MAP3K14: variants seen among roughly 807,000 people sequenced by gnomAD.
The protein encoded by MAP3K14 is mitogen-activated protein kinase kinase kinase 14, also known as NF-kappa-beta-inducing kinase.
Under a neutral mutation model 99.2 loss-of-function variants are expected in MAP3K14, and 16 were observed. The ratio of observed to expected loss-of-function variants is 0.16; its 90% confidence interval spans 0.11 to 0.24. The LOEUF is 0.24. MAP3K14 is among the 10% of genes least tolerant of loss of function. The pLI, the probability that MAP3K14 is intolerant of heterozygous loss-of-function variation, is 1.00. For missense variants in MAP3K14, 784 were observed against 1,208.7 expected, an observed-to-expected ratio of 0.65 and a Z score of 5.21; for synonymous variants, 462 against 492.4, an observed-to-expected ratio of 0.94 and a Z score of 0.82.
At chr17:45,283,099 A>G (rs2044236214) in intron 6 of MAP3K14, among the ~76,000 whole-genome samples, 1 of 152,160 alleles carries the variant, frequency 6.6e-6, no homozygotes, top group Non-Finnish European at 1.5e-5. Flanking sequence ...CTTCCACTAT[A>G]TTAGGGTTGT....
intron 1 of MAP3K14, among the ~76,000 whole-genome samples, chr17:45,294,804 C>T (rs1049914149): frequency 1.1e-4 from 16 of 152,174 alleles, no homozygotes; most frequent in African/African-American, 3.4e-4. Context: ...GTACTCAAGG[C>T]GACACTGTCC....
Position 45,272,642 on chromosome 17 carries a change from A to C in MAP3K14, c.1657+861T>G, listed in dbSNP as rs1216208789. Among the ~76,000 whole-genome samples, 1 of 152,206 alleles carries C rather than the reference A, an allele frequency of 6.6e-6. No homozygotes were observed. The highest frequency in any genetic ancestry group is 1.5e-5 in the Non-Finnish European group (1 of 68,044). ...AACAACAGCCTGGAAGGAGTTATTT[A>C]AAATATTCATGATTCGGCCGGGCAC... On this transcript the variant is annotated intron_variant, in intron 9 of 15. Coordinates refer to ENST00000344686, the MANE Select transcript of MAP3K14 (RefSeq NM_003954.5). This position sits in a 1 kb window ranked among gnomAD's most constrained non-coding sequence, Gnocchi z 4.1.
intron 6 of MAP3K14, among the ~76,000 whole-genome samples, chr17:45,280,218 C>A (rs2044211311): frequency 6.6e-6 from 1 of 151,808 alleles, no homozygotes; most frequent in African/African-American, 2.4e-5. Flanking sequence ...TTTTGGGCTA[C>A]AGACCCCTAT....
At chr17:45,298,077 A>G (rs899128282) in intron 1 of MAP3K14, among the ~76,000 whole-genome samples, 4 of 152,214 alleles carry the variant, frequency 2.6e-5, no homozygotes, top group African/African-American at 9.6e-5. Context: ...AGATGGGTGA[A>G]ATGGGTTGTT....
rs765832972 is a variant in MAP3K14, at chr17:45,284,896, G to A, written c.1206C>T (p.His402=). The stretch of plus-strand genomic sequence containing the variant: ...AGGAGCCTCTGCCCAGGCGGAGCTG[G>A]TGCGTGGCCCAGTGGACTTCTTCTC... ...EYREEVHWAT[H]QLRLGRGSFG... Residue 402 remains histidine, a synonymous_variant, in exon 6 of 16, where the codon CAC becomes CAT. Coordinates refer to ENST00000344686, the MANE Select transcript of MAP3K14 (RefSeq NM_003954.5). 54 of 1,560,790 alleles carry A rather than the reference G, an allele frequency of 3.5e-5. No homozygotes were observed. Among genetic ancestry groups the A allele is most frequent in the Non-Finnish European group, 4.3e-5 (50 of 1,152,362 alleles).
chr17:45,302,403 G>A (rs1733878279), intron 1 of MAP3K14, among the ~76,000 whole-genome samples: 1 of 152,126 alleles, frequency 6.6e-6, no homozygotes, highest in African/African-American at 2.4e-5. Flanking sequence ...CGCCTCTTGG[G>A]TTCAAGAAAT....
intron 15 of MAP3K14, 141 bp downstream of exon 15, chr17:45,265,022 G>A (rs1598236411): frequency 1.2e-6 from 1 of 823,140 alleles, no homozygotes; most frequent in Non-Finnish European, 2.0e-6. Flanking sequence ...ATGCTTTGAG[G>A]TCCTGGGGGA....
intron 3 of MAP3K14, among the ~76,000 whole-genome samples, chr17:45,288,059 A>G (rs1179726643): frequency 6.6e-6 from 1 of 152,176 alleles, no homozygotes; most frequent in Non-Finnish European, 1.5e-5. Flanking sequence ...ACAGCTGTGG[A>G]GCAGATCATG....
chr17:45,294,663 T>C (rs2044334769), intron 1 of MAP3K14, among the ~76,000 whole-genome samples: 1 of 152,174 alleles, frequency 6.6e-6, no homozygotes, highest in African/African-American at 2.4e-5. Context: ...CCAGATAAGT[T>C]CTTTAAATGC....
At chr17:45,312,977 G>A (rs74996617) in intron 1 of MAP3K14, among the ~76,000 whole-genome samples, 10,007 of 152,178 alleles carry the variant, frequency 0.066, 572 homozygotes, top group East Asian at 0.15. Flanking sequence ...ACTTGATCAC[G>A]TGTGGGACAC....
intron 6 of MAP3K14, among the ~76,000 whole-genome samples, chr17:45,275,515 A>C (rs1029225139): frequency 2.6e-5 from 4 of 151,612 alleles, no homozygotes; most frequent in Non-Finnish European, 5.9e-5. Flanking sequence ...CCCACAAAAA[A>C]ACAAACAAAA....
chr17:45,302,987 C>T (rs2044401860), intron 1 of MAP3K14, among the ~76,000 whole-genome samples: 2 of 152,252 alleles, frequency 1.3e-5, no homozygotes, highest in Non-Finnish European at 2.9e-5. Context: ...TCAGAAGATG[C>T]GGACTGTTTC....
chr17:45,277,770 C>T (rs2044191274), intron 6 of MAP3K14, among the ~76,000 whole-genome samples: 1 of 152,196 alleles, frequency 6.6e-6, no homozygotes, highest in East Asian at 1.9e-4. Context: ...TCGCTCGAGA[C>T]AGTTCAGCTT....
intron 1 of MAP3K14, 87 bp from the exon 2 acceptor site, chr17:45,290,852 G>GAGACCCTTTGCCCCT: frequency 7.6e-7 from 1 of 1,323,786 alleles, no homozygotes; most frequent in Non-Finnish European, 1.0e-6. Context: ...GAGAAAGGCA[G>GAGACCCTTTGCCCCT]GGGCAAAGGG....
chr17:45,296,277 C>T (rs1195633084), intron 1 of MAP3K14, among the ~76,000 whole-genome samples: 2 of 152,164 alleles, frequency 1.3e-5, no homozygotes, highest in African/African-American at 2.4e-5. Flanking sequence ...GTAATCTCAG[C>T]ACTTTGGGAG....
In MAP3K14 at chr17:45,264,639, G is replaced by A. The variant is rs1477033164; in HGVS notation, c.2841C>T (p.Pro947=). The A allele has an allele frequency of 6.3e-7, 1 of 1,576,348 alleles. No individual in the cohort carries two copies. Among genetic ancestry groups the A allele is most frequent in the Non-Finnish European group, 8.6e-7 (1 of 1,161,788 alleles). Residue 947 remains proline, a synonymous_variant, in exon 16 of 16, where the codon CCC becomes CCT. Transcript: ENST00000344686. The part of the protein sequence containing the change: ...RVKHGQLENR[P] Reference sequence around the variant, plus strand: ...GAGCCGGCGGTGGAGGGCAGGGTTAGGGCCTGTTCTCCAGCTGGCCATGCT... The same window carrying A: ...GAGCCGGCGGTGGAGGGCAGGGTTAAGGCCTGTTCTCCAGCTGGCCATGCT...
intron 1 of MAP3K14, among the ~76,000 whole-genome samples, chr17:45,291,179 T>C (rs1351454517): frequency 6.6e-6 from 1 of 152,172 alleles, no homozygotes; most frequent in Non-Finnish European, 1.5e-5. Context: ...AACCATGGCC[T>C]CACTGACCCC....
Position 45,264,742 on chromosome 17 carries a change from A to T in MAP3K14, c.2738T>A (p.Met913Lys). 1 of 1,613,224 alleles carries T rather than the reference A, an allele frequency of 6.2e-7. No homozygotes were observed. Among genetic ancestry groups the T allele is most frequent in the Non-Finnish European group, 8.5e-7 (1 of 1,179,644 alleles). ...GTCGATGCCCGAGTCTGGCACCTCC[A>T]TGTCGTAGCGAACAGGCTGCCCGTC... The part of the protein sequence containing the change: ...TKDGQPVRYD[M>K]EVPDSGIDLQ... Residue 913 changes from methionine (M) to lysine (K), a missense_variant, in exon 16 of 16, where the codon ATG (methionine) becomes AAG (lysine). Transcript: ENST00000344686.
intron 1 of MAP3K14, among the ~76,000 whole-genome samples, chr17:45,298,089 A>G (rs945565681): frequency 6.6e-6 from 1 of 152,244 alleles, no homozygotes; most frequent in South Asian, 2.1e-4. Context: ...TGGGTTGTTC[A>G]ATGGGTAAAA....
Sources: gnomAD v4.1 joint callset for allele counts (sites outside exome capture counted in the v4.1 genomes callset) on GRCh38, gnomAD v4.1.1 for gene constraint, Gnocchi (gnomAD v3.1) non-coding constraint, MANE v1.5 for transcripts, NCBI Gene and HGNC (gene_info 2026-07-23, HGNC 2026-07-21) for gene names.